The following PASD1 variants were observed in gnomAD, a reference collection of about 807,000 sequenced individuals.
PASD1 encodes PAS domain containing repressor 1.
In PASD1, 13 loss-of-function variants were observed where a neutral mutation model predicts 58.8. The observed-to-expected ratio is 0.22, with a 90% CI of 0.14 to 0.35. The LOEUF is 0.35. Ranked by LOEUF, PASD1 falls within the 10% of genes least tolerant of loss-of-function variation. The probability of loss-of-function intolerance (pLI) is 1.00; values close to 1 mark genes in which losing one functional copy is unlikely to be tolerated. For missense variants in PASD1, 734 were observed against 568.3 expected (o/e 1.29, Z -2.96); for synonymous variants, 236 against 216.7 (o/e 1.09, Z -0.78).
chrX:151,594,093 C>A (rs973925408), intron 1 of PASD1, among the ~76,000 whole-genome samples: 12 of 110,726 alleles, frequency 1.1e-4, no homozygotes, highest in Non-Finnish European at 1.9e-4. Flanking sequence ...CCTGCCTCAG[C>A]CTCCTGAGCA....
In PASD1 at chrX:151,635,559, G is replaced by A. The variant is rs989694824; in HGVS notation, c.629+10029G>A. Among the ~76,000 whole-genome samples, 15 of 111,861 alleles carry A rather than the reference G, an allele frequency of 1.3e-4. No homozygotes were observed. The Admixed American group carries it at 1.4e-3, about 11-fold the overall frequency. On this transcript the variant is annotated intron_variant, in intron 8 of 15. Coordinates refer to ENST00000370357, the MANE Select transcript of PASD1 (RefSeq NM_173493.3). ...ACACTCTTTTCCAATAGTCACAAAG[G>A]CCTGGCCCCACTGTCCTCAATATAG...
At chrX:151,608,480 G>T (rs2013514168) in intron 3 of PASD1, among the ~76,000 whole-genome samples, 1 of 111,663 alleles carries the variant, frequency 9.0e-6, no homozygotes, top group African/African-American at 3.3e-5. Flanking sequence ...CTAGTTTGTA[G>T]CTTGCCTTTT....
At position 151,674,202 on chromosome X, in the gene PASD1, C is replaced by A; in HGVS notation, c.2175+16C>A. On this transcript the variant is annotated intron_variant, in intron 15 of 15. Transcript: ENST00000370357. ...CTACCATCAGGTATGGGACAGCCCCCTCCTTTTCCTTCCAGCGCAGGTCAA... is the reference window on the plus strand; with the variant it reads ...CTACCATCAGGTATGGGACAGCCCCATCCTTTTCCTTCCAGCGCAGGTCAA... 8.3e-7 allele frequency: 1 copy of A among 1,210,042 alleles called. No homozygotes were observed. Among genetic ancestry groups the A allele is most frequent in the Non-Finnish European group, 1.1e-6 (1 of 894,325 alleles).
Position 151,620,914 on chromosome X carries a change from T to C in PASD1, c.208-16T>C. 8.6e-7 allele frequency: 1 copy of C among 1,169,236 alleles called. No homozygotes were observed. Among genetic ancestry groups the C allele is most frequent in the Non-Finnish European group, 1.2e-6 (1 of 861,906 alleles). On this transcript the variant is annotated splice_polypyrimidine_tract_variant and intron_variant, in intron 4 of 15. Transcript: ENST00000370357. Reference sequence around the variant, plus strand: ...CCTCCTTTTTCCCTCCACCTCCTCCTCTCCTCTCCTGCCAGGCTGAGATTG... The same window carrying C: ...CCTCCTTTTTCCCTCCACCTCCTCCCCTCCTCTCCTGCCAGGCTGAGATTG...
intron 1 of PASD1, among the ~76,000 whole-genome samples, chrX:151,594,015 C>A (rs979808956): frequency 7.2e-5 from 8 of 111,411 alleles, no homozygotes; most frequent in Non-Finnish European, 1.3e-4. Flanking sequence ...ACTCTGTCAC[C>A]CAGGCTGGAA....
chrX:151,577,348 T>C (rs1246775541), intron 1 of PASD1, among the ~76,000 whole-genome samples: 3 of 112,112 alleles, frequency 2.7e-5, no homozygotes, highest in Non-Finnish European at 3.8e-5. Flanking sequence ...GTGAACAGAT[T>C]TTACCTTGTT....
In PASD1 at chrX:151,672,350, G is replaced by A. The variant is rs1415430495; in HGVS notation, c.1605G>A (p.Gln535=). 1.7e-6 allele frequency: 2 copies of A among 1,187,902 alleles called. No homozygotes were observed. Among genetic ancestry groups the A allele is most frequent in the African/African-American group, 1.8e-5 (1 of 56,686 alleles). The change falls in exon 14 of 16, where the codon CAG becomes CAA. Residue 535 remains glutamine (Q), a synonymous_variant. Coordinates refer to ENST00000370357, the MANE Select transcript of PASD1 (RefSeq NM_173493.3). ...KMQEKKKLQE[Q]RRQKKKKLQE... The stretch of plus-strand genomic sequence containing the variant: ...AGGAGAAGAAGAAGCTGCAGGAGCA[G>A]AGGCGGCAAAAGAAGAAGAAGCTAC...
intron 8 of PASD1, among the ~76,000 whole-genome samples, chrX:151,644,760 C>T (rs1252154604): frequency 9.2e-6 from 1 of 108,762 alleles, no homozygotes; most frequent in Non-Finnish European, 1.9e-5. Flanking sequence ...TTTGTTTTCA[C>T]TTTTTGCATG....
chrX:151,567,045 A>AAAATAAATAAATAAAT (rs370364202), intron 1 of PASD1, among the ~76,000 whole-genome samples: 9 of 94,955 alleles, frequency 9.5e-5, no homozygotes, highest in African/African-American at 1.5e-4. Flanking sequence ...ACTCCGTCTC[A>AAAATAAATAAATAAAT]AAATAAATAA....
chrX:151,656,538 C>G (rs2014244675), intron 9 of PASD1, among the ~76,000 whole-genome samples: 1 of 111,269 alleles, frequency 9.0e-6, no homozygotes, highest in South Asian at 3.8e-4. Context: ...TTTCGTTGAG[C>G]AGTGGTTTGT....
At chrX:151,623,367 T>A (rs1046625890) in intron 7 of PASD1, among the ~76,000 whole-genome samples, 1 of 111,530 alleles carries the variant, frequency 9.0e-6, no homozygotes, top group Non-Finnish European at 1.9e-5. Context: ...GAAATGAGCA[T>A]TTTGGCAGGT....
At chrX:151,614,185 A>G (rs1451753325) in intron 4 of PASD1, among the ~76,000 whole-genome samples, 1 of 110,732 alleles carries the variant, frequency 9.0e-6, no homozygotes, top group African/African-American at 3.3e-5. Flanking sequence ...GGGTTTCACC[A>G]TGTTGGCCAA....
chrX:151,648,087 A>G (rs779785194), intron 8 of PASD1, among the ~76,000 whole-genome samples: 13 of 111,213 alleles, frequency 1.2e-4, no homozygotes, highest in Non-Finnish European at 7.5e-5. Context: ...TAAGATTCTC[A>G]TTCATTCATA....
At chrX:151,612,840 T>C (rs1456323603) in intron 4 of PASD1, among the ~76,000 whole-genome samples, 2 of 112,170 alleles carry the variant, frequency 1.8e-5, no homozygotes, top group Admixed American at 1.9e-4. Context: ...CATTTGTCAA[T>C]TTTGGCTTCT....
chrX:151,613,171 G>T (rs369096907), intron 4 of PASD1, among the ~76,000 whole-genome samples: 1 of 111,216 alleles, frequency 9.0e-6, no homozygotes, highest in Non-Finnish European at 1.9e-5. Context: ...TGTTCCATTG[G>T]TCTATATCTC....
At chrX:151,629,523 C>T (rs1392412907) in intron 8 of PASD1, among the ~76,000 whole-genome samples, 5 of 112,141 alleles carry the variant, frequency 4.5e-5, no homozygotes, top group Non-Finnish European at 9.4e-5. Flanking sequence ...TCTGAATGTG[C>T]TTTATTGCTC....
At chrX:151,616,268 G>A (rs1422956764) in intron 4 of PASD1, among the ~76,000 whole-genome samples, 1 of 111,156 alleles carries the variant, frequency 9.0e-6, no homozygotes, top group Non-Finnish European at 1.9e-5. Context: ...CCACTTGGAG[G>A]GCCATAGATG....
intron 11 of PASD1, among the ~76,000 whole-genome samples, chrX:151,669,018 A>C (rs1460045159): frequency 1.8e-5 from 2 of 108,483 alleles, no homozygotes; most frequent in Non-Finnish European, 3.8e-5. Context: ...CTGGGATTAC[A>C]GATGCAAGCC....
intron 9 of PASD1, among the ~76,000 whole-genome samples, chrX:151,654,286 G>C (rs911903903): frequency 9.1e-6 from 1 of 110,398 alleles, no homozygotes; most frequent in Non-Finnish European, 1.9e-5. Flanking sequence ...GTTTTCTTTG[G>C]GGGGAGGAGT....
Sources: gnomAD v4.1 joint callset for allele counts (sites outside exome capture counted in the v4.1 genomes callset) on GRCh38, gnomAD v4.1.1 for gene constraint, MANE v1.5 for transcripts, NCBI Gene and HGNC (gene_info 2026-07-23, HGNC 2026-07-21) for gene names.